The following CDH4 variants were observed in gnomAD, a reference collection of about 807,000 sequenced individuals.
CDH4 encodes cadherin-4.
A neutral mutation model predicts 86.0 loss-of-function variants in CDH4; 33 were observed. That is an observed-to-expected ratio of 0.38 (90% CI 0.29 to 0.51). The LOEUF (loss-of-function observed/expected upper bound fraction) is 0.51, where lower values mean the gene tolerates loss of function less well. Among genes scored for constraint, CDH4 ranks in the 20% least tolerant of loss-of-function variants. CDH4 has a pLI of 0.86. For synonymous variants in CDH4, 555 were observed against 549.4 expected (o/e 1.01, Z -0.14); for missense variants, 1,114 against 1,307.4 (o/e 0.85, Z 2.28).
At chr20:61,685,532 C>T (rs925872065) in intron 2 of CDH4, among the ~76,000 whole-genome samples, 6 of 152,260 alleles carry the variant, frequency 3.9e-5, no homozygotes, top group African/African-American at 1.2e-4. Flanking sequence ...TTGCAAAGGC[C>T]GCTCCTCGGC....
chr20:61,398,447 T>C (rs1200252722), intron 2 of CDH4, among the ~76,000 whole-genome samples: 2 of 152,208 alleles, frequency 1.3e-5, no homozygotes, highest in Non-Finnish European at 2.9e-5. Context: ...AGATTTCTTT[T>C]AAGGACTAGG....
intron 2 of CDH4, among the ~76,000 whole-genome samples, chr20:61,314,719 C>T (rs145367329): frequency 1.3e-3 from 194 of 152,264 alleles, no homozygotes; most frequent in Non-Finnish European, 2.0e-3. Flanking sequence ...AACGCTCATC[C>T]CAATTTATCT....
intron 2 of CDH4, among the ~76,000 whole-genome samples, chr20:61,727,641 A>G (rs936312531): frequency 6.6e-6 from 1 of 152,214 alleles, no homozygotes; most frequent in Admixed American, 6.5e-5. Context: ...GCTTCCACTC[A>G]TGGCAGAAGG....
At chr20:61,636,130 A>G (rs772911291) in intron 2 of CDH4, among the ~76,000 whole-genome samples, 8 of 152,176 alleles carry the variant, frequency 5.3e-5, no homozygotes, top group South Asian at 2.1e-4. Context: ...CTCACTTCCA[A>G]TACAGAAAGC....
chr20:61,457,042 G>A (rs183036564), intron 2 of CDH4, among the ~76,000 whole-genome samples: 26 of 152,282 alleles, frequency 1.7e-4, no homozygotes, highest in African/African-American at 3.4e-4. Flanking sequence ...CTTTCAGAGC[G>A]TGAATTTTCC....
chr20:61,643,590 A>G (rs916893975), intron 2 of CDH4, among the ~76,000 whole-genome samples: 1 of 152,184 alleles, frequency 6.6e-6, no homozygotes, highest in Non-Finnish European at 1.5e-5. Context: ...CGTGTGTCCC[A>G]TGTGTGTTGA....
intron 9 of CDH4, among the ~76,000 whole-genome samples, chr20:61,912,738 A>G (rs1025288197): frequency 1.3e-5 from 2 of 152,148 alleles, no homozygotes; most frequent in African/African-American, 4.8e-5. Context: ...CTAATTATGA[A>G]TTTTCAGAGT....
At chr20:61,565,075 T>A (rs1214461249) in intron 2 of CDH4, among the ~76,000 whole-genome samples, 2 of 124,648 alleles carry the variant, frequency 1.6e-5, no homozygotes, top group African/African-American at 3.1e-5. Flanking sequence ...GTGGTGGTGG[T>A]GGTGGTGGTG....
rs907133485 is a variant in CDH4 at position 61,673,435 on chromosome 20, G to T, written c.170-70128G>T. On this transcript the variant is annotated intron_variant, in intron 2 of 15. Transcript: ENST00000614565. ...GTGCTTATCACCGTGGGGCACACAG[G>T]GAGGCTGCGTGCCTGGGCCCTGCCC... 2.6e-5 allele frequency among the ~76,000 whole-genome samples: 4 copies of T among 152,334 alleles called. No homozygotes were observed. In the South Asian group the frequency reaches 8.3e-4, roughly 32 times the overall value.
At position 61,933,027 on chromosome 20, in the gene CDH4, A is replaced by T. The variant is rs778827452; in HGVS notation, c.2282A>T (p.Lys761Met). ...GTCATGTGGATGAAGCGGCGAGAGA[A>T]GGAGCGCCACACGAAGCAGCTGCTC... ...LFVMWMKRREKERHTKQLLID... is the reference protein window; with the variant it reads ...LFVMWMKRREMERHTKQLLID... The change falls in exon 14 of 16, where the codon AAG becomes ATG. Residue 761 changes from lysine to methionine, a missense_variant. Around this residue, in one of 3 missense-constraint regions of CDH4, gnomAD observed 705 missense variants for 914.1 expected, o/e 0.77. Coordinates refer to ENST00000614565, the MANE Select transcript of CDH4 (RefSeq NM_001794.5). The T allele has an allele frequency of 6.2e-7, 1 of 1,613,340 alleles. No homozygotes were observed. Among genetic ancestry groups the T allele is most frequent in the South Asian group, 1.1e-5 (1 of 91,090 alleles).
chr20:61,871,632 G>A (rs1264572703), intron 6 of CDH4, among the ~76,000 whole-genome samples: 1 of 152,146 alleles, frequency 6.6e-6, no homozygotes, highest in Non-Finnish European at 1.5e-5. Context: ...CTCTTTAGAG[G>A]GGAGTATGGT....
chr20:61,864,310 C>T (rs944020789), intron 6 of CDH4, among the ~76,000 whole-genome samples: 16 of 152,220 alleles, frequency 1.1e-4, no homozygotes, highest in African/African-American at 3.4e-4. Flanking sequence ...TCCCCATCTG[C>T]GGTGCTTTGG....
chr20:61,268,920 A>G (rs76118584), intron 2 of CDH4, among the ~76,000 whole-genome samples: 162 of 152,292 alleles, frequency 1.1e-3, no homozygotes, highest in African/African-American at 3.9e-3. Flanking sequence ...AGACAATGGG[A>G]TATTACCAAG....
At position 61,706,845 on chromosome 20, in the gene CDH4, A is replaced by G. The variant is rs548809409; in HGVS notation, c.170-36718A>G. ...GTGACCGTCAGCATCCGACCTCCAC[A>G]TTAGCCGCATGACCCTCTGTGATGC... is the stretch of plus-strand genomic sequence containing the variant. On this transcript the variant is annotated intron_variant, in intron 2 of 15. Transcript: ENST00000614565. Among the ~76,000 whole-genome samples the G allele has an allele frequency of 6.8e-4, 104 of 152,304 alleles. 2 individuals are homozygous for G. Among genetic ancestry groups the G allele is most frequent in the East Asian group, 3.9e-3 (20 of 5,178 alleles).
At chr20:61,850,749 C>T (rs568357761) in intron 5 of CDH4, among the ~76,000 whole-genome samples, 71 of 152,356 alleles carry the variant, frequency 4.7e-4, no homozygotes, top group African/African-American at 1.3e-3. Context: ...TTTCCTCCAC[C>T]GTCATGGTGA....
At chr20:61,875,826 G>C (rs1380413155) in intron 7 of CDH4, among the ~76,000 whole-genome samples, 6 of 152,172 alleles carry the variant, frequency 3.9e-5, no homozygotes, top group Non-Finnish European at 8.8e-5. Context: ...AGTGCTGTTA[G>C]TGAGGCCCAT....
At chr20:61,763,052 AGCAGGATCAGT>A (rs200385439) in intron 3 of CDH4, among the ~76,000 whole-genome samples, 2,679 of 152,350 alleles carry the variant, frequency 0.018, 45 homozygotes, top group Middle Eastern at 0.024. Context: ...GGACATGTCC[AGCAGGATCAGT>A]GCAGGACCTG....
chr20:61,826,798 C>T (rs1348915298), intron 4 of CDH4, among the ~76,000 whole-genome samples: 6 of 152,168 alleles, frequency 3.9e-5, no homozygotes, highest in African/African-American at 1.4e-4. Flanking sequence ...CTGGTGGCCT[C>T]ATGGCCTCCT....
chr20:61,456,190 A>C, intron 2 of CDH4, among the ~76,000 whole-genome samples: 1 of 152,152 alleles, frequency 6.6e-6, no homozygotes, highest in South Asian at 2.1e-4. Flanking sequence ...TCTGTCTGCA[A>C]AACCCTCAGG....
Sources: allele counts gnomAD v4.1 joint callset (sites outside exome capture counted in the v4.1 genomes callset), GRCh38; gene constraint gnomAD v4.1.1; regional missense constraint gnomAD v4.1.1; transcripts MANE v1.5; gene names NCBI Gene and HGNC (gene_info 2026-07-23, HGNC 2026-07-21).